Variants in DNA2 observed in about 807,000 individuals in gnomAD.
DNA2 encodes the protein DNA replication helicase/nuclease 2, also known as DNA replication ATP-dependent helicase/nuclease DNA2.
In DNA2, 101 loss-of-function variants were observed where a neutral mutation model predicts 119.1. The ratio of observed to expected loss-of-function variants is 0.85; its 90% CI spans 0.72 to 1.00. The LOEUF is 1.00. Ranked by LOEUF, DNA2 falls within the 50% of genes least tolerant of loss-of-function variation. The pLI, the probability that DNA2 is intolerant of heterozygous loss-of-function variation, is 0.00. For synonymous variants in DNA2, 366 were observed against 424.4 expected (o/e 0.86, Z 1.69); for missense variants, 1,121 against 1,255.5 (o/e 0.89, Z 1.62).
chr10:68,443,094 A>C lies in DNA2; in HGVS notation c.1238T>G (p.Met413Arg). The C allele has an allele frequency of 6.4e-7, 1 of 1,570,604 alleles. No homozygotes were observed. Among genetic ancestry groups the C allele is most frequent in the Middle Eastern group, 1.7e-4 (1 of 6,002 alleles). Reference protein sequence around the residue: ...ALYSRAVEQQMDCSSVPIVML... With the variant: ...ALYSRAVEQQRDCSSVPIVML... The stretch of plus-strand genomic sequence containing the variant: ...CACAATTGGGACTGAACTACAATCC[A>C]TCTGTTGTTCAACTGCTCTAAATAT... Residue 413 changes from methionine to arginine, a missense_variant, in exon 9 of 21, where the codon ATG (methionine) becomes AGG (arginine). By Grantham distance (91) the Met-to-Arg change is moderately conservative (BLOSUM62 -1). Transcript: ENST00000358410.
intron 3 of DNA2, among the ~76,000 whole-genome samples, chr10:68,467,415 T>C (rs35140369): frequency 0.18 from 27,032 of 151,504 alleles, 2,925 homozygotes; most frequent in African/African-American, 0.31. Flanking sequence ...AGCCCCAAAA[T>C]ACGTTTTTTT....
At position 68,430,044 on chromosome 10, in the gene DNA2, C is replaced by T. The variant is rs141714174; in HGVS notation, c.2208+392G>A. ...AATTACAGGCGCCCACCACCACGCCCGGCTAATTTTTTTTGTATTTTTAGT... is the reference window on the plus strand; with the variant it reads ...AATTACAGGCGCCCACCACCACGCCTGGCTAATTTTTTTTGTATTTTTAGT... On this transcript the variant is annotated intron_variant, in intron 14 of 20. Coordinates refer to ENST00000358410, the MANE Select transcript of DNA2 (RefSeq NM_001080449.3). 8.3e-3 allele frequency among the ~76,000 whole-genome samples: 1,255 copies of T among 151,580 alleles called. 17 individuals carry two copies. Among genetic ancestry groups the T allele is most frequent in the African/African-American group, 0.028 (1,164 of 41,312 alleles).
At chr10:68,420,774 A>G (rs946890872) in intron 17 of DNA2, among the ~76,000 whole-genome samples, 4 of 151,242 alleles carry the variant, frequency 2.6e-5, no homozygotes, top group African/African-American at 9.7e-5. Context: ...GCAAGACTCC[A>G]TCCTAAAAAA....
chr10:68,424,957 G>A, intron 14 of DNA2: 1 of 652,868 alleles, frequency 1.5e-6, no homozygotes. Flanking sequence ...AAAGAGAAAG[G>A]CAAATATAAG....
intron 14 of DNA2, chr10:68,425,062 C>A: frequency 3.2e-6 from 1 of 312,540 alleles, no homozygotes; most frequent in Non-Finnish European, 6.4e-6. Context: ...TTCTTTGGAA[C>A]TTTTCAGAAT....
chr10:68,420,855 T>G (rs930085542), intron 17 of DNA2, among the ~76,000 whole-genome samples: 2 of 152,198 alleles, frequency 1.3e-5, no homozygotes, highest in South Asian at 2.1e-4. Context: ...GGTCTTCATG[T>G]GCATATGTGG....
chr10:68,422,345 G>T lies in DNA2; in HGVS notation c.2577C>A (p.Asn859Lys), dbSNP rs753934866. The T allele has an allele frequency of 2.5e-6, 4 of 1,613,898 alleles. No homozygotes were observed. Among genetic ancestry groups the T allele is most frequent in the Middle Eastern group, 1.6e-4 (1 of 6,062 alleles). ...GCTTCACATCTTTAAAGTGACGTAG[G>T]TTTATCACTGCATTGGCCACTTTGT... ...GSDKVANAVI[N>K]LRHFKDVKLE... Residue 859 changes from asparagine (N) to lysine (K), a missense_variant, in exon 17 of 21, where the codon AAC becomes AAA. Asn to Lys is a moderately conservative substitution (Grantham distance 94, BLOSUM62 0). Coordinates refer to ENST00000358410, the MANE Select transcript of DNA2 (RefSeq NM_001080449.3).
In DNA2 at chr10:68,418,270, G is replaced by A. The variant is rs555909888; in HGVS notation, c.2967+764C>T. 9.2e-4 allele frequency among the ~76,000 whole-genome samples: 140 copies of A among 151,984 alleles called. 1 individual carries two copies. Among genetic ancestry groups the A allele is most frequent in the Non-Finnish European group, 1.3e-3 (87 of 67,998 alleles). On this transcript the variant is annotated intron_variant, in intron 19 of 20. Transcript: ENST00000358410. ...CTCTAGAAAAGTACAAAAATTAGCC[G>A]GGCAAGATGGCGATGCCTGTAATCC...
intron 8 of DNA2, 114 bp downstream of exon 8, chr10:68,444,804 TATA>T: frequency 1.7e-6 from 1 of 605,888 alleles, no homozygotes; most frequent in East Asian, 3.4e-5. Flanking sequence ...CGAAGGAAAA[TATA>T]AAGGAAAAAT....
chr10:68,421,664 A>T (rs781684063), intron 17 of DNA2, among the ~76,000 whole-genome samples: 10 of 141,418 alleles, frequency 7.1e-5, no homozygotes, highest in Non-Finnish European at 1.3e-4. Flanking sequence ...GAGGCAGGAG[A>T]ATCGCTTGAA....
At chr10:68,448,866 C>G (rs1205507476) in intron 6 of DNA2, among the ~76,000 whole-genome samples, 1 of 152,160 alleles carries the variant, frequency 6.6e-6, no homozygotes, top group Non-Finnish European at 1.5e-5. Flanking sequence ...CAACCTCTGC[C>G]TCCCTGGTTT....
At chr10:68,431,210 C>CAAAAAA (rs35710729) in intron 13 of DNA2, among the ~76,000 whole-genome samples, 2 of 78,622 alleles carry the variant, frequency 2.5e-5, no homozygotes, top group African/African-American at 9.5e-5. Flanking sequence ...GACTCCATCT[C>CAAAAAA]AAAAAAAAAA....
At chr10:68,431,685 C>T (rs933378114) in intron 13 of DNA2, among the ~76,000 whole-genome samples, 177 bp downstream of exon 13, 2 of 152,206 alleles carry the variant, frequency 1.3e-5, no homozygotes, top group African/African-American at 4.8e-5. Flanking sequence ...GAGAAATCTA[C>T]ATGATTACAA....
At position 68,468,250 on chromosome 10, in the gene DNA2, G is replaced by A; in HGVS notation, c.314C>T (p.Ser105Phe). Residue 105 changes from serine (S) to phenylalanine (F), a missense_variant, in exon 3 of 21, where the codon TCT becomes TTT. By Grantham distance (155) the Ser-to-Phe change is radical (BLOSUM62 -2). Coordinates refer to ENST00000358410, the MANE Select transcript of DNA2 (RefSeq NM_001080449.3). ...DIIHLEGDCT[S>F]DTWIIDKDFG... ...ATCTTTATCTATTATCCAAGTGTCA[G>A]ATGTGCAGTCTCCCTCCAAATGAAT... 6.2e-7 allele frequency: 1 copy of A among 1,611,168 alleles called. No homozygotes were observed. Among genetic ancestry groups the A allele is most frequent in the Non-Finnish European group, 8.5e-7 (1 of 1,178,954 alleles).
intron 19 of DNA2, among the ~76,000 whole-genome samples, chr10:68,417,143 CTGAGA>C (rs1337434564): frequency 6.6e-6 from 1 of 151,330 alleles, no homozygotes; most frequent in Non-Finnish European, 1.5e-5. Context: ...ACTCAGGAGG[CTGAGA>C]TGAAAGGATC....
intron 10 of DNA2, among the ~76,000 whole-genome samples, chr10:68,435,559 G>A (rs996498145): frequency 5.3e-5 from 8 of 152,020 alleles, no homozygotes; most frequent in Non-Finnish European, 8.8e-5. Context: ...GGGTTCAAGC[G>A]ATTCCCCTGC....
At chr10:68,446,252 G>C in intron 7 of DNA2, 44 bp downstream of exon 7, 4 of 1,023,060 alleles carry the variant, frequency 3.9e-6, no homozygotes, top group Non-Finnish European at 5.9e-6. Flanking sequence ...AGCTGAAGTG[G>C]GGGGGTGGGC....
At chr10:68,443,677 A>C (rs2051999978) in intron 8 of DNA2, among the ~76,000 whole-genome samples, 1 of 152,208 alleles carries the variant, frequency 6.6e-6, no homozygotes, top group African/African-American at 2.4e-5. Flanking sequence ...GGCCGAGTGC[A>C]GAGGCTCATG....
chr10:68,418,742 G>A (rs909624780), intron 19 of DNA2, among the ~76,000 whole-genome samples: 4 of 146,300 alleles, frequency 2.7e-5, no homozygotes, highest in Admixed American at 7.1e-5. Context: ...GTACGATCTC[G>A]GCTCACTGCA....
Sources: gnomAD v4.1 joint callset for allele counts (sites outside exome capture counted in the v4.1 genomes callset) on GRCh38, gnomAD v4.1.1 for gene constraint, MANE v1.5 for transcripts, NCBI Gene and HGNC (gene_info 2026-07-23, HGNC 2026-07-21) for gene names.